EDIL3: variants seen among roughly 807,000 people sequenced by gnomAD.
The protein encoded by EDIL3 is EGF-like repeat and discoidin I-like domain-containing protein 3.
A neutral mutation model predicts 67.4 loss-of-function variants in EDIL3; 37 were observed. That is an observed-to-expected ratio of 0.55 (90% confidence interval 0.42 to 0.72). The LOEUF (loss-of-function observed/expected upper bound fraction) is 0.72. Among genes scored for constraint, EDIL3 ranks in the 30% least tolerant of loss-of-function variants. The probability of loss-of-function intolerance (pLI) is 0.00; values close to 1 mark genes in which losing one functional copy is unlikely to be tolerated. For synonymous variants in EDIL3, 195 were observed against 196.3 expected (o/e 0.99, Z 0.05); for missense variants, 527 against 586.3 (o/e 0.90, Z 1.04).
At chr5:84,324,683 AAAAG>A (rs1431786137) in intron 1 of EDIL3, among the ~76,000 whole-genome samples, 1 of 151,856 alleles carries the variant, frequency 6.6e-6, no homozygotes, top group Non-Finnish European at 1.5e-5. Context: ...ACTAAGAAAA[AAAAG>A]AAAAATCAAA....
chr5:84,277,884 T>C (rs534373243), intron 1 of EDIL3, among the ~76,000 whole-genome samples: 11 of 152,280 alleles, frequency 7.2e-5, no homozygotes, highest in African/African-American at 2.2e-4. Context: ...TATTGGAAAT[T>C]ATGAAGGTCC....
chr5:84,121,413 G>T (rs1199474204), intron 5 of EDIL3, among the ~76,000 whole-genome samples: 1 of 151,738 alleles, frequency 6.6e-6, no homozygotes, highest in Non-Finnish European at 1.5e-5. Flanking sequence ...CAATTCTGTT[G>T]TAGCCCAGAA....
chr5:84,278,154 G>A (rs953303045), intron 1 of EDIL3, among the ~76,000 whole-genome samples: 5 of 152,170 alleles, frequency 3.3e-5, no homozygotes, highest in South Asian at 2.1e-4. Flanking sequence ...TTTTAAGGAT[G>A]AGTAAGAGTT....
At position 84,197,853 on chromosome 5, in the gene EDIL3, G is replaced by A. The variant is rs115399669; in HGVS notation, c.227-17332C>T. Among the ~76,000 whole-genome samples, 904 of 152,052 alleles carry A rather than the reference G, an allele frequency of 5.9e-3. 8 individuals are homozygous for A. Among genetic ancestry groups the A allele is most frequent in the African/African-American group, 0.021 (874 of 41,502 alleles). ...AAGTTACACTTTATGATAAGGGTAA[G>A]GGGAGGTCATTTAAGACATTTAAGC... On this transcript the variant is annotated intron_variant, in intron 3 of 10. Transcript: ENST00000296591.
intron 9 of EDIL3, among the ~76,000 whole-genome samples, chr5:84,038,012 G>A (rs1228943083): frequency 1.4e-4 from 4 of 28,510 alleles, no homozygotes; most frequent in Non-Finnish European, 2.5e-4. Flanking sequence ...TTTTTTTTTT[G>A]AGACAGGGTC....
intron 4 of EDIL3, among the ~76,000 whole-genome samples, chr5:84,154,737 T>C (rs1463871436): frequency 6.8e-6 from 1 of 147,920 alleles, no homozygotes; most frequent in African/African-American, 2.5e-5. Flanking sequence ...TCTCCCTCTG[T>C]TGCCCAGGCT....
At chr5:84,117,302 T>A (rs945992686) in intron 5 of EDIL3, among the ~76,000 whole-genome samples, 3 of 152,162 alleles carry the variant, frequency 2.0e-5, no homozygotes, top group African/African-American at 7.2e-5. Context: ...AGTGCTGGGA[T>A]TACAAGCGTG....
chr5:84,295,202 C>T (rs1231205589), intron 1 of EDIL3, among the ~76,000 whole-genome samples: 2 of 151,930 alleles, frequency 1.3e-5, no homozygotes, highest in African/African-American at 2.4e-5. Context: ...TTTTTGATTA[C>T]ATAACTTTTA....
At chr5:84,057,885 C>T (rs1369697906) in intron 9 of EDIL3, among the ~76,000 whole-genome samples, 3 of 152,112 alleles carry the variant, frequency 2.0e-5, no homozygotes, top group African/African-American at 4.8e-5. Flanking sequence ...CAGGCATGGT[C>T]TCAGCCTCTT....
chr5:84,132,268 T>C (rs1433362043), intron 5 of EDIL3, among the ~76,000 whole-genome samples: 2 of 117,204 alleles, frequency 1.7e-5, no homozygotes, highest in African/African-American at 6.7e-5. Flanking sequence ...ATATATAATA[T>C]ATCTTTTTTT....
chr5:84,311,740 G>C (rs1746394189), intron 1 of EDIL3, among the ~76,000 whole-genome samples: 1 of 152,090 alleles, frequency 6.6e-6, no homozygotes, highest in Non-Finnish European at 1.5e-5. Context: ...GGGTACTTGA[G>C]ATTAGGGAGT....
chr5:84,268,729 T>C (rs968215974), intron 1 of EDIL3, among the ~76,000 whole-genome samples: 1 of 152,198 alleles, frequency 6.6e-6, no homozygotes, highest in African/African-American at 2.4e-5. Context: ...ACCATGGCAG[T>C]ATAATTCAGG....
chr5:84,320,277 T>G (rs2112154725), intron 1 of EDIL3, among the ~76,000 whole-genome samples: 1 of 152,270 alleles, frequency 6.6e-6, no homozygotes, highest in East Asian at 1.9e-4. Context: ...CTAAAGATGC[T>G]TTAGAAAAAT....
intron 9 of EDIL3, among the ~76,000 whole-genome samples, chr5:84,000,240 G>T (rs1276439940): frequency 6.6e-6 from 1 of 151,956 alleles, no homozygotes; most frequent in Non-Finnish European, 1.5e-5. Flanking sequence ...AAGTACACAG[G>T]CAACTACAGA....
intron 9 of EDIL3, among the ~76,000 whole-genome samples, chr5:84,043,459 G>T: frequency 6.6e-6 from 1 of 152,168 alleles, no homozygotes; most frequent in East Asian, 1.9e-4. Context: ...GGCACGCAGT[G>T]AACTGGAAAA....
intron 1 of EDIL3, among the ~76,000 whole-genome samples, chr5:84,295,741 C>T (rs1746038064): frequency 6.6e-6 from 1 of 152,064 alleles, no homozygotes. Context: ...TGTTTATATA[C>T]AAAAACTTGG....
At chr5:84,190,579 G>GTGTGTGTGTGTGTGTGTATA (rs1456078500) in intron 3 of EDIL3, among the ~76,000 whole-genome samples, 8 of 122,068 alleles carry the variant, frequency 6.6e-5, no homozygotes, top group South Asian at 2.8e-4. Context: ...GTGTGTGTGT[G>GTGTGTGTGTGTGTGTGTATA]TATATATATA....
chr5:84,347,138 T>C (rs879583284), intron 1 of EDIL3, among the ~76,000 whole-genome samples: 40 of 152,334 alleles, frequency 2.6e-4, no homozygotes, highest in African/African-American at 7.5e-4. Flanking sequence ...AGGCCAGAGA[T>C]AGTAACATTG....
chr5:84,239,420 C>T (rs1335704869), intron 2 of EDIL3, among the ~76,000 whole-genome samples: 1 of 151,796 alleles, frequency 6.6e-6, no homozygotes, highest in East Asian at 1.9e-4. Context: ...ATTTCCTTTC[C>T]TTCCCTCCTT....
Sources: allele counts gnomAD v4.1 joint callset (sites outside exome capture counted in the v4.1 genomes callset), GRCh38; gene constraint gnomAD v4.1.1; transcripts MANE v1.5; gene names NCBI Gene and HGNC (gene_info 2026-07-23, HGNC 2026-07-21).